LRRC4C: variants seen among roughly 807,000 people sequenced by gnomAD.
The protein encoded by LRRC4C is leucine-rich repeat-containing protein 4C.
In LRRC4C, 5 loss-of-function variants were observed where a neutral mutation model predicts 33.6. The ratio of observed to expected loss-of-function variants is 0.15; its 90% CI spans 0.08 to 0.31. The LOEUF is 0.31. Among genes scored for constraint, LRRC4C ranks in the 10% least tolerant of loss-of-function variants. LRRC4C has a pLI of 1.00. For missense variants in LRRC4C, 560 were observed against 796.7 expected, an observed-to-expected ratio of 0.70 and a Z score of 3.58; for synonymous variants, 329 against 302.0, an observed-to-expected ratio of 1.09 and a Z score of -0.93.
intron 1 of LRRC4C, among the ~76,000 whole-genome samples, chr11:41,064,781 G>A (rs1245188386): frequency 6.6e-6 from 1 of 152,222 alleles, no homozygotes; most frequent in Non-Finnish European, 1.5e-5. Context: ...GGGAGCAGAA[G>A]CAGGGTGGGG....
At chr11:40,684,878 T>C (rs1198198872) in intron 2 of LRRC4C, among the ~76,000 whole-genome samples, 1 of 152,008 alleles carries the variant, frequency 6.6e-6, no homozygotes, top group African/African-American at 2.4e-5. Context: ...AAAAAGATGA[T>C]TTTGTTGGAC....
intron 3 of LRRC4C, among the ~76,000 whole-genome samples, chr11:40,542,928 A>T (rs1292486180): frequency 6.6e-6 from 1 of 152,118 alleles, no homozygotes; most frequent in African/African-American, 2.4e-5. Context: ...GTTACATTTT[A>T]CACATTTGTT....
chr11:40,615,896 A>C (rs987079423), intron 3 of LRRC4C, among the ~76,000 whole-genome samples: 14 of 151,918 alleles, frequency 9.2e-5, no homozygotes, highest in African/African-American at 3.4e-4. Flanking sequence ...AATGAAGAAA[A>C]TCTGCTCACG....
intron 3 of LRRC4C, among the ~76,000 whole-genome samples, chr11:40,541,228 C>A (rs1438456638): frequency 6.6e-6 from 1 of 152,074 alleles, no homozygotes; most frequent in Non-Finnish European, 1.5e-5. Context: ...GTCTCACAGA[C>A]TGGAATTCAG....
Position 40,857,917 on chromosome 11 carries a change from A to G in LRRC4C, c.-407+75718T>C, listed in dbSNP as rs538987096. On this transcript the variant is annotated intron_variant, in intron 2 of 6. Coordinates refer to ENST00000528697, the MANE Select transcript of LRRC4C (RefSeq NM_001258419.2). ...GTGACAGAGTAAGATCCTACCAAAA[A>G]AAAGAAAGAAAAGGAGAAAGGAAAG... is the stretch of plus-strand genomic sequence containing the variant. Among the ~76,000 whole-genome samples the G allele has an allele frequency of 2.7e-5, 4 of 150,446 alleles. No individual in the cohort carries two copies. The South Asian group carries it at 8.4e-4, about 32-fold the overall frequency.
chr11:40,517,356 C>T (rs866058842), intron 3 of LRRC4C, among the ~76,000 whole-genome samples: 20 of 152,006 alleles, frequency 1.3e-4, no homozygotes, highest in African/African-American at 4.8e-4. Context: ...GGCATTGATC[C>T]AGGAAAACAG....
intron 3 of LRRC4C, among the ~76,000 whole-genome samples, chr11:40,563,900 T>C (rs558565902): frequency 6.6e-5 from 10 of 152,296 alleles, no homozygotes; most frequent in African/African-American, 2.4e-4. Context: ...GCAACAGGAA[T>C]TGCCCTCAAG....
chr11:41,236,744 A>G (rs1663950953), intron 1 of LRRC4C, among the ~76,000 whole-genome samples: 1 of 152,180 alleles, frequency 6.6e-6, no homozygotes, highest in Non-Finnish European at 1.5e-5. Flanking sequence ...CTGTGAAAAT[A>G]TTTCTGTGGA....
chr11:41,076,234 G>T (rs1939140007), intron 1 of LRRC4C, among the ~76,000 whole-genome samples: 1 of 152,098 alleles, frequency 6.6e-6, no homozygotes, highest in African/African-American at 2.4e-5. Context: ...CTAAAACTCA[G>T]TAAGTTTTCA....
intron 1 of LRRC4C, among the ~76,000 whole-genome samples, chr11:41,061,259 T>C (rs1937746631): frequency 1.3e-5 from 2 of 152,152 alleles, no homozygotes; most frequent in Admixed American, 1.3e-4. Flanking sequence ...ATTAGGAACT[T>C]ACTCTTATTG....
At chr11:41,131,543 T>G (rs1347167355) in intron 1 of LRRC4C, among the ~76,000 whole-genome samples, 1 of 152,094 alleles carries the variant, frequency 6.6e-6, no homozygotes, top group African/African-American at 2.4e-5. Flanking sequence ...CAGTGTGGTT[T>G]CTGATTCACT....
chr11:40,624,027 A>T (rs1396786056), intron 3 of LRRC4C, among the ~76,000 whole-genome samples: 2 of 152,096 alleles, frequency 1.3e-5, no homozygotes, highest in Admixed American at 1.3e-4. Flanking sequence ...TAGACGAGAC[A>T]TTTTGTTTTT....
At chr11:40,193,852 T>A (rs941143332) in intron 5 of LRRC4C, among the ~76,000 whole-genome samples, 1 of 151,998 alleles carries the variant, frequency 6.6e-6, no homozygotes, top group African/African-American at 2.4e-5. Context: ...GAAGAAAGGA[T>A]ATCCGAGATT....
intron 1 of LRRC4C, among the ~76,000 whole-genome samples, chr11:41,105,061 A>G (rs1434762309): frequency 2.0e-5 from 3 of 152,140 alleles, no homozygotes; most frequent in East Asian, 3.9e-4. Flanking sequence ...CACATTTAAA[A>G]TAAATGGGTT....
At chr11:40,391,524 C>T (rs915372804) in intron 3 of LRRC4C, among the ~76,000 whole-genome samples, 5 of 152,074 alleles carry the variant, frequency 3.3e-5, no homozygotes, top group Admixed American at 6.6e-5. Context: ...AGGGATTGAG[C>T]CAAAGGTAAG....
rs528902332 is a variant in LRRC4C, at chr11:41,074,152, T to C, written c.-495-140429A>G. ...GTCATCAGTCCAATTTCTAAAAATG[T>C]ATTACTTAAATTTTAAAGAGAAACT... is the stretch of plus-strand genomic sequence containing the variant. On this transcript the variant is annotated intron_variant, in intron 1 of 6. Coordinates refer to ENST00000528697, the MANE Select transcript of LRRC4C (RefSeq NM_001258419.2). 1.6e-4 allele frequency among the ~76,000 whole-genome samples: 25 copies of C among 152,268 alleles called. 1 individual carries two copies. The South Asian group carries it at 3.5e-3, about 21-fold the overall frequency.
intron 1 of LRRC4C, among the ~76,000 whole-genome samples, chr11:40,960,331 T>C (rs1253682266): frequency 1.3e-5 from 2 of 151,828 alleles, no homozygotes; most frequent in Admixed American, 6.6e-5. Flanking sequence ...GTCAATGATA[T>C]GTAAGAAATT....
intron 3 of LRRC4C, among the ~76,000 whole-genome samples, chr11:40,484,481 A>C (rs567608608): frequency 1.3e-5 from 2 of 152,182 alleles, no homozygotes; most frequent in South Asian, 4.1e-4. Context: ...CCTTTTCTTA[A>C]TACAAGAAAA....
At chr11:40,710,211 T>A (rs1249918039) in intron 2 of LRRC4C, among the ~76,000 whole-genome samples, 1 of 152,224 alleles carries the variant, frequency 6.6e-6, no homozygotes, top group African/African-American at 2.4e-5. Context: ...AAAGTCATTC[T>A]CCATCCTGCT....
Sources: gnomAD v4.1 joint callset for allele counts (sites outside exome capture counted in the v4.1 genomes callset) on GRCh38, gnomAD v4.1.1 for gene constraint, MANE v1.5 for transcripts, NCBI Gene and HGNC (gene_info 2026-07-23, HGNC 2026-07-21) for gene names.